The following PPP3CA variants were observed in gnomAD, a reference collection of about 807,000 sequenced individuals.
The protein encoded by PPP3CA is protein phosphatase 3 catalytic subunit alpha.
In PPP3CA, 14 loss-of-function variants were observed where a neutral mutation model predicts 66.5. The observed-to-expected ratio is 0.21, with a 90% CI of 0.14 to 0.33. The LOEUF (loss-of-function observed/expected upper bound fraction) is 0.33, where lower values mean the gene tolerates loss of function less well. Among genes scored for constraint, PPP3CA ranks in the 10% least tolerant of loss-of-function variants. The pLI is 1.00. For synonymous variants in PPP3CA, 232 were observed against 226.2 expected (o/e 1.03, Z -0.23); for missense variants, 317 against 639.5 (o/e 0.50, Z 5.44).
At chr4:101,066,359 C>G (rs951157139) in intron 8 of PPP3CA, among the ~76,000 whole-genome samples, 1 of 152,138 alleles carries the variant, frequency 6.6e-6, no homozygotes, top group African/African-American at 2.4e-5. Context: ...ATCTTTAAGT[C>G]TCAGTTACCT....
At chr4:101,157,606 C>T (rs942015402) in intron 2 of PPP3CA, among the ~76,000 whole-genome samples, 3 of 152,052 alleles carry the variant, frequency 2.0e-5, no homozygotes, top group African/African-American at 7.2e-5. Context: ...TGTCTGTGTG[C>T]GCTGAATCAA....
intron 2 of PPP3CA, among the ~76,000 whole-genome samples, chr4:101,176,323 T>C (rs1239073416): frequency 6.6e-6 from 1 of 152,156 alleles, no homozygotes; most frequent in Non-Finnish European, 1.5e-5. Context: ...AGAAATTAAA[T>C]TGCAAAAGCA....
chr4:101,276,598 G>A (rs1017969556), intron 1 of PPP3CA, among the ~76,000 whole-genome samples: 2 of 151,960 alleles, frequency 1.3e-5, no homozygotes, highest in East Asian at 1.9e-4. Context: ...ACATTATCAC[G>A]CAGTTCATTT....
intron 6 of PPP3CA, among the ~76,000 whole-genome samples, chr4:101,092,721 T>G (rs558120574): frequency 6.6e-6 from 1 of 151,990 alleles, no homozygotes; most frequent in Non-Finnish European, 1.5e-5. Context: ...CTTTGTTGCA[T>G]TGGGGCAAAA....
intron 2 of PPP3CA, among the ~76,000 whole-genome samples, chr4:101,113,979 C>A (rs1320302727): frequency 6.6e-6 from 1 of 152,098 alleles, no homozygotes; most frequent in Non-Finnish European, 1.5e-5. Context: ...CAGGCTCTGA[C>A]AATTTTTTTG....
chr4:101,207,798 G>T (rs180799256), intron 1 of PPP3CA, among the ~76,000 whole-genome samples: 1 of 151,824 alleles, frequency 6.6e-6, no homozygotes, highest in East Asian at 1.9e-4. Context: ...TGCAATCCAG[G>T]CTGGTGACAG....
chr4:101,073,183 C>A (rs887315872), intron 8 of PPP3CA, among the ~76,000 whole-genome samples: 13 of 151,206 alleles, frequency 8.6e-5, no homozygotes, highest in African/African-American at 2.9e-4. Context: ...TCTCTTCAGC[C>A]TTAAATGTTT....
chr4:101,342,718 G>A (rs1171700900), intron 1 of PPP3CA, among the ~76,000 whole-genome samples: 1 of 152,014 alleles, frequency 6.6e-6, no homozygotes, highest in Non-Finnish European at 1.5e-5. Context: ...TCAACTGATG[G>A]TAACAAAATG....
chr4:101,108,901 G>T, intron 3 of PPP3CA, 53 bp downstream of exon 3: 2 of 1,536,580 alleles, frequency 1.3e-6, no homozygotes, highest in South Asian at 1.2e-5. Flanking sequence ...TTATTTTTTT[G>T]AGATACTGTT....
intron 2 of PPP3CA, among the ~76,000 whole-genome samples, chr4:101,119,625 T>C (rs868522881): frequency 8.5e-5 from 13 of 152,246 alleles, no homozygotes; most frequent in Middle Eastern, 3.4e-3. Context: ...CTTGTCATGA[T>C]AGTCCTCACA....
chr4:101,341,663 C>G (rs192020340), intron 1 of PPP3CA, among the ~76,000 whole-genome samples: 2,675 of 152,238 alleles, frequency 0.018, 60 homozygotes, highest in African/African-American at 0.061. Flanking sequence ...ACAATTACTC[C>G]CCTTTTATGT....
chr4:101,164,344 G>A (rs1025212701), intron 2 of PPP3CA, among the ~76,000 whole-genome samples: 11 of 152,106 alleles, frequency 7.2e-5, no homozygotes, highest in African/African-American at 2.7e-4. Context: ...GTCTTCTACT[G>A]TTAAGACAGT....
chr4:101,294,652 T>C (rs1728137012), intron 1 of PPP3CA, among the ~76,000 whole-genome samples: 1 of 152,028 alleles, frequency 6.6e-6, no homozygotes, highest in South Asian at 2.1e-4. Flanking sequence ...AAAAATAAGG[T>C]TCCTTCCATC....
intron 1 of PPP3CA, among the ~76,000 whole-genome samples, chr4:101,275,722 T>G (rs891772057): frequency 1.3e-5 from 2 of 152,196 alleles, no homozygotes; most frequent in African/African-American, 4.8e-5. Flanking sequence ...CAAATGATAG[T>G]CTACCTATTC....
At position 101,024,571 on chromosome 4, in the gene PPP3CA, AAG is replaced by A. The variant is rs1201472165; in HGVS notation, c.*1292_*1293del. On this transcript the variant is annotated 3_prime_UTR_variant, in exon 14 of 14. Coordinates refer to ENST00000394854, the MANE Select transcript of PPP3CA (RefSeq NM_000944.5). The stretch of plus-strand genomic sequence containing the variant: ...ATATACAAAGGGAAAAAAGTGAAAA[AAG>A]TACATATTTTGTGGCACATGACAGA... The A allele has an allele frequency of 6.6e-6, 1 of 152,624 alleles. No homozygotes were observed. The highest frequency in any genetic ancestry group is 1.5e-5 in the Non-Finnish European group (1 of 68,034). The allele number at this position is 152,624 out of a possible 1,614,324, so 9.5% of individuals were successfully genotyped here. A position where few individuals can be genotyped will look rare whatever the true frequency, so the allele number is the denominator to read the frequency against.
intron 1 of PPP3CA, among the ~76,000 whole-genome samples, chr4:101,209,827 T>G (rs1725245501): frequency 6.6e-6 from 1 of 152,092 alleles, no homozygotes; most frequent in Non-Finnish European, 1.5e-5. Flanking sequence ...TTAGATTTTG[T>G]TAGTGACTGA....
chr4:101,135,181 C>G (rs1722577033), intron 2 of PPP3CA, among the ~76,000 whole-genome samples: 1 of 151,524 alleles, frequency 6.6e-6, no homozygotes, highest in Non-Finnish European at 1.5e-5. Context: ...AACAAACCTG[C>G]ACCTTCTGCA....
At chr4:101,095,278 A>G (rs986081613) in intron 5 of PPP3CA, among the ~76,000 whole-genome samples, 1 of 152,182 alleles carries the variant, frequency 6.6e-6, no homozygotes, top group African/African-American at 2.4e-5. Context: ...TAAGGGTAGG[A>G]CAGTAGAGGA....
chr4:101,131,688 G>T (rs1722446568), intron 2 of PPP3CA, among the ~76,000 whole-genome samples: 1 of 152,140 alleles, frequency 6.6e-6, no homozygotes, highest in Non-Finnish European at 1.5e-5. Flanking sequence ...ATATGAGACA[G>T]ATTAATGAGA....
Sources: gnomAD v4.1 joint callset for allele counts (sites outside exome capture counted in the v4.1 genomes callset) on GRCh38, gnomAD v4.1.1 for gene constraint, MANE v1.5 for transcripts, NCBI Gene and HGNC (gene_info 2026-07-23, HGNC 2026-07-21) for gene names.